CFAP20DC: variants seen among roughly 807,000 people sequenced by gnomAD.
CFAP20DC encodes the protein protein CFAP20DC.
Under a neutral mutation model 101.7 loss-of-function variants are expected in CFAP20DC, and 84 were observed. The ratio of observed to expected loss-of-function variants is 0.83; its 90% CI spans 0.69 to 0.99. The LOEUF (loss-of-function observed/expected upper bound fraction) is 0.99. Ranked by LOEUF, CFAP20DC falls within the 50% of genes least tolerant of loss-of-function variation. CFAP20DC has a pLI of 0.00. For synonymous variants in CFAP20DC, 359 were observed against 351.2 expected, an observed-to-expected ratio of 1.02 and a Z score of -0.25; for missense variants, 1,007 against 970.3, an observed-to-expected ratio of 1.04 and a Z score of -0.50.
chr3:59,035,783 A>T (rs532722411), intron 4 of CFAP20DC, among the ~76,000 whole-genome samples: 4 of 152,340 alleles, frequency 2.6e-5, no homozygotes, highest in African/African-American at 9.6e-5. Flanking sequence ...AGGATCTGGT[A>T]CCAGTTCTTC....
chr3:58,829,664 G>C (rs1428136090), intron 14 of CFAP20DC, among the ~76,000 whole-genome samples: 1 of 152,144 alleles, frequency 6.6e-6, no homozygotes, highest in Non-Finnish European at 1.5e-5. Flanking sequence ...TGGTCAAATA[G>C]AGGGGTTATT....
intron 11 of CFAP20DC, among the ~76,000 whole-genome samples, chr3:58,865,018 T>C (rs2079560255): frequency 6.6e-6 from 1 of 152,012 alleles, no homozygotes; most frequent in South Asian, 2.1e-4. Context: ...TTTATAATGA[T>C]ATCGTTGAAA....
chr3:58,832,588 G>A (rs2108062638), intron 13 of CFAP20DC, among the ~76,000 whole-genome samples: 1 of 152,082 alleles, frequency 6.6e-6, no homozygotes, highest in South Asian at 2.1e-4. Context: ...GACTAGTATT[G>A]GTAAAAGCCA....
At chr3:58,901,983 T>C (rs1387998700) in intron 6 of CFAP20DC, among the ~76,000 whole-genome samples, 5 of 152,258 alleles carry the variant, frequency 3.3e-5, no homozygotes, top group Non-Finnish European at 7.3e-5. Flanking sequence ...TTGCCTATTC[T>C]GGATATTTCA....
intron 4 of CFAP20DC, among the ~76,000 whole-genome samples, chr3:59,019,810 C>T (rs62252904): frequency 0.039 from 5,928 of 152,160 alleles, 182 homozygotes; most frequent in Non-Finnish European, 0.063. Context: ...TTGGGGATAG[C>T]TAAGGGTCTG....
At chr3:58,978,225 C>T (rs1281807399) in intron 4 of CFAP20DC, among the ~76,000 whole-genome samples, 4 of 152,256 alleles carry the variant, frequency 2.6e-5, no homozygotes, top group African/African-American at 7.2e-5. Flanking sequence ...CCACCACTGG[C>T]TTCCCCACTC....
intron 4 of CFAP20DC, among the ~76,000 whole-genome samples, chr3:59,026,445 A>T (rs566648672): frequency 6.6e-6 from 1 of 152,310 alleles, no homozygotes; most frequent in South Asian, 2.1e-4. Context: ...CTACAAAGCA[A>T]CCACTATTTT....
chr3:58,738,398 T>C (rs1271194888), downstream of CFAP20DC, among the ~76,000 whole-genome samples: 1 of 151,968 alleles, frequency 6.6e-6, no homozygotes, highest in Non-Finnish European at 1.5e-5. This position sits in a 1 kb window ranked among gnomAD's most constrained non-coding sequence, Gnocchi z 4.4. Context: ...TGTCCATGTG[T>C]TCTCATTGTT....
At chr3:58,980,955 C>T (rs886233853) in intron 4 of CFAP20DC, among the ~76,000 whole-genome samples, 3 of 152,120 alleles carry the variant, frequency 2.0e-5, no homozygotes, top group African/African-American at 4.8e-5. Flanking sequence ...ATCTAGAAAA[C>T]CCCATTGTCT....
intron 13 of CFAP20DC, among the ~76,000 whole-genome samples, chr3:58,846,259 A>G (rs1237081017): frequency 1.3e-5 from 2 of 151,958 alleles, no homozygotes; most frequent in Non-Finnish European, 2.9e-5. Flanking sequence ...GTATATCTAG[A>G]AAATCCCATT....
rs2082363182 is a variant in CFAP20DC, at chr3:58,892,857, C to T, written c.551-8148G>A. ...TGCCTGATTGTCCTCGCCAGAACTT[C>T]CAATACTATATTGCATAGGAGTGGT... On this transcript the variant is annotated intron_variant, in intron 6 of 16. Coordinates refer to ENST00000482387, the MANE Select transcript of CFAP20DC (RefSeq NM_001394063.1). The surrounding 1 kb of genome is among the most constrained non-coding windows in gnomAD (Gnocchi z 4.0). 2.0e-5 allele frequency among the ~76,000 whole-genome samples: 3 copies of T among 152,116 alleles called. No homozygotes were observed. In the South Asian group the frequency reaches 6.2e-4, roughly 31 times the overall value.
intron 6 of CFAP20DC, among the ~76,000 whole-genome samples, chr3:58,903,850 A>G (rs2083368105): frequency 6.6e-6 from 1 of 152,174 alleles, no homozygotes; most frequent in African/African-American, 2.4e-5. Flanking sequence ...AATTCTATTC[A>G]GTTGGTCTAT....
intron 15 of CFAP20DC, among the ~76,000 whole-genome samples, chr3:58,793,589 C>T (rs2073021170): frequency 6.6e-6 from 1 of 152,150 alleles, no homozygotes; most frequent in Non-Finnish European, 1.5e-5. Flanking sequence ...AGTTAAAACA[C>T]TGATCATAAT....
At chr3:58,769,561 T>C (rs917331924) in intron 15 of CFAP20DC, among the ~76,000 whole-genome samples, 1 of 151,354 alleles carries the variant, frequency 6.6e-6, no homozygotes. Context: ...AATGGATGAG[T>C]TCTCTGAGGA....
chr3:58,903,256 T>G (rs535169635), intron 6 of CFAP20DC, among the ~76,000 whole-genome samples: 2 of 152,332 alleles, frequency 1.3e-5, no homozygotes, highest in African/African-American at 4.8e-5. Flanking sequence ...TTACCTTTTT[T>G]TCTCTAAGAG....
chr3:58,823,990 T>C (rs1165108501), intron 14 of CFAP20DC, among the ~76,000 whole-genome samples: 2 of 152,188 alleles, frequency 1.3e-5, no homozygotes, highest in East Asian at 1.9e-4. Context: ...GTGACTTTCA[T>C]AGTCACTAAA....
intron 12 of CFAP20DC, among the ~76,000 whole-genome samples, chr3:58,855,529 C>T (rs2078699302): frequency 6.6e-6 from 1 of 152,082 alleles, no homozygotes; most frequent in African/African-American, 2.4e-5. Flanking sequence ...TATAAAGACA[C>T]GTGCACACAT....
chr3:58,878,737 C>T (rs1387867176), intron 7 of CFAP20DC, among the ~76,000 whole-genome samples: 1 of 152,074 alleles, frequency 6.6e-6, no homozygotes, highest in Non-Finnish European at 1.5e-5. Context: ...CTGTGCTGGG[C>T]GGGGTGGCTC....
At chr3:59,012,834 G>C (rs907094834) in intron 4 of CFAP20DC, among the ~76,000 whole-genome samples, 1 of 152,096 alleles carries the variant, frequency 6.6e-6, no homozygotes, top group Non-Finnish European at 1.5e-5. Context: ...TTGCAGTTGC[G>C]ATTGTTATCA....
Sources: gnomAD v4.1 joint callset for allele counts (sites outside exome capture counted in the v4.1 genomes callset) on GRCh38, gnomAD v4.1.1 for gene constraint, Gnocchi (gnomAD v3.1) non-coding constraint, MANE v1.5 for transcripts, NCBI Gene and HGNC (gene_info 2026-07-23, HGNC 2026-07-21) for gene names.